The following CDH12 variants were observed in gnomAD, a reference collection of about 807,000 sequenced individuals.
CDH12 encodes cadherin-12.
Under a neutral mutation model 74.1 loss-of-function variants are expected in CDH12, and 41 were observed. The observed-to-expected ratio is 0.55, with a 90% confidence interval of 0.43 to 0.72. The LOEUF is 0.72. CDH12 is among the 30% of genes least tolerant of loss of function. CDH12 has a pLI of 0.00. For synonymous variants in CDH12, 399 were observed against 355.0 expected, an observed-to-expected ratio of 1.12 and a Z score of -1.39; for missense variants, 945 against 977.2, an observed-to-expected ratio of 0.97 and a Z score of 0.44.
chr5:22,169,524 G>A (rs1258422380), intron 4 of CDH12, among the ~76,000 whole-genome samples: 1 of 151,922 alleles, frequency 6.6e-6, no homozygotes, highest in Non-Finnish European at 1.5e-5. Flanking sequence ...ACCTTGACGA[G>A]CCTCACAGTA....
At chr5:21,931,274 G>GA (rs1357697495) in intron 6 of CDH12, among the ~76,000 whole-genome samples, 20 of 150,674 alleles carry the variant, frequency 1.3e-4, no homozygotes, top group South Asian at 2.1e-4. Flanking sequence ...GAAGAGAATA[G>GA]AAAAAAAAAT....
intron 1 of CDH12, chr5:22,580,407 G>T (rs1740023954): frequency 2.0e-6 from 1 of 498,472 alleles, no homozygotes; most frequent in South Asian, 1.5e-5. Flanking sequence ...TGGGTAGGGA[G>T]CATCCTCAGA....
rs1329230244 is a variant in CDH12, at chr5:22,358,332, C to CA, written c.-333+46924_-333+46925insT. Reference sequence around the variant, plus strand: ...GTTGAGGCAGGAGAATAACTTGAACCCGGAGGCGGAGGTTGCAGTGAGTGA... The same window carrying CA: ...GTTGAGGCAGGAGAATAACTTGAACCACGGAGGCGGAGGTTGCAGTGAGTGA... On this transcript the variant is annotated intron_variant, in intron 3 of 14. Coordinates refer to ENST00000382254, the MANE Select transcript of CDH12 (RefSeq NM_004061.5). 1.1e-4 allele frequency among the ~76,000 whole-genome samples: 5 copies of CA among 43,990 alleles called. No homozygotes were observed. In the East Asian group the frequency reaches 2.6e-3, roughly 23 times the overall value. The allele number at this position is 43,990 out of a possible 152,430, so 28.9% of individuals were successfully genotyped here.
intron 1 of CDH12, among the ~76,000 whole-genome samples, chr5:22,516,636 A>C (rs565321713): frequency 1.3e-5 from 2 of 152,192 alleles, no homozygotes; most frequent in African/African-American, 2.4e-5. Flanking sequence ...CTCCACAAAA[A>C]ATACAAAAAT....
At chr5:22,099,384 C>T (rs1744000654) in intron 4 of CDH12, among the ~76,000 whole-genome samples, 1 of 152,182 alleles carries the variant, frequency 6.6e-6, no homozygotes, top group Non-Finnish European at 1.5e-5. Flanking sequence ...CACATCTCAC[C>T]AAGCTCAGCC....
intron 4 of CDH12, among the ~76,000 whole-genome samples, chr5:22,186,121 A>G (rs1749929291): frequency 6.6e-6 from 1 of 152,210 alleles, no homozygotes; most frequent in Non-Finnish European, 1.5e-5. Flanking sequence ...AGTGCCTGAC[A>G]TTATTAAGAA....
chr5:21,959,070 T>C (rs1260961575), intron 6 of CDH12, among the ~76,000 whole-genome samples: 3 of 152,142 alleles, frequency 2.0e-5, no homozygotes, highest in African/African-American at 7.2e-5. Context: ...GTGAATGGGA[T>C]TGCCTTCCTG....
intron 2 of CDH12, 31 bp from the exon 3 acceptor site, chr5:22,405,382 A>G: frequency 1.8e-6 from 1 of 553,984 alleles, no homozygotes. Context: ...ATGCTTTAAG[A>G]ATATGCAAGA....
intron 5 of CDH12, among the ~76,000 whole-genome samples, chr5:22,038,436 A>G (rs1369368894): frequency 6.6e-6 from 1 of 152,082 alleles, no homozygotes; most frequent in Non-Finnish European, 1.5e-5. Flanking sequence ...CCTCCCAGCC[A>G]CTGCTGCATC....
rs566124121 is a variant in CDH12, at chr5:22,677,533, C to T, written c.-522-172169G>A. 9.2e-5 allele frequency among the ~76,000 whole-genome samples: 14 copies of T among 152,168 alleles called. No homozygotes were observed. In the South Asian group the frequency reaches 2.9e-3, roughly 32 times the overall value. On this transcript the variant is annotated intron_variant, in intron 1 of 14. Transcript: ENST00000382254. ...GAGTCCTCATGACCAAATCACCTCTCAAAGCCCTCACCTCCTAATATTATC... is the reference window on the plus strand; with the variant it reads ...GAGTCCTCATGACCAAATCACCTCTTAAAGCCCTCACCTCCTAATATTATC...
chr5:22,299,012 T>C (rs1561293702), intron 3 of CDH12, among the ~76,000 whole-genome samples: 2 of 152,184 alleles, frequency 1.3e-5, no homozygotes, highest in African/African-American at 2.4e-5. Flanking sequence ...GGTAGGGATA[T>C]AGCAGTTAAT....
chr5:22,136,558 T>G lies in CDH12; in HGVS notation c.-186-57696A>C, dbSNP rs1746471864. Among the ~76,000 whole-genome samples, 10 of 151,614 alleles carry G rather than the reference T, an allele frequency of 6.6e-5. No individual in the cohort carries two copies. The Admixed American group carries it at 6.6e-4, about 10-fold the overall frequency. ...ATACCATTATGAAGAAGAACTTGTA[T>G]GCCTAATTGCACCCATGCTTTGGTC... On this transcript the variant is annotated intron_variant, in intron 4 of 14. Coordinates refer to ENST00000382254, the MANE Select transcript of CDH12 (RefSeq NM_004061.5).
At chr5:21,852,309 A>G (rs965136822) in intron 7 of CDH12, among the ~76,000 whole-genome samples, 3 of 151,348 alleles carry the variant, frequency 2.0e-5, no homozygotes, top group Admixed American at 1.3e-4. Flanking sequence ...ATAGCTTACG[A>G]CAGAATTGTT....
At chr5:22,068,134 A>G (rs1741691118) in intron 5 of CDH12, among the ~76,000 whole-genome samples, 1 of 152,206 alleles carries the variant, frequency 6.6e-6, no homozygotes, top group Non-Finnish European at 1.5e-5. Flanking sequence ...CCAGCAAGCC[A>G]TAAAGTTAGG....
At chr5:22,387,867 T>G (rs142440768) in intron 3 of CDH12, among the ~76,000 whole-genome samples, 2,122 of 152,242 alleles carry the variant, frequency 0.014, 27 homozygotes, top group Middle Eastern at 0.027. Context: ...TGTTTTATAA[T>G]AGGCATGAAA....
intron 1 of CDH12, among the ~76,000 whole-genome samples, chr5:22,645,454 A>C (rs1739389402): frequency 6.6e-6 from 1 of 152,044 alleles, no homozygotes. Context: ...ACAGATAAAG[A>C]GTTGCTTTTT....
intron 1 of CDH12, among the ~76,000 whole-genome samples, chr5:22,761,919 G>T (rs1162364128): frequency 1.4e-5 from 2 of 146,358 alleles, no homozygotes; most frequent in Non-Finnish European, 3.0e-5. Context: ...ATTTCAGTTT[G>T]TAATTTCTCA....
intron 3 of CDH12, among the ~76,000 whole-genome samples, chr5:22,382,123 ATATAT>A (rs1055627266): frequency 1.4e-5 from 2 of 145,866 alleles, no homozygotes; most frequent in African/African-American, 2.5e-5. Flanking sequence ...AATATATCAC[ATATAT>A]TATAAACATG....
intron 6 of CDH12, among the ~76,000 whole-genome samples, chr5:21,937,742 A>G (rs1328454025): frequency 8.5e-5 from 13 of 152,166 alleles, no homozygotes; most frequent in Non-Finnish European, 1.8e-4. Flanking sequence ...ACACTAGTGC[A>G]TAGTCCTCTA....
Sources: gnomAD v4.1 joint callset for allele counts (sites outside exome capture counted in the v4.1 genomes callset) on GRCh38, gnomAD v4.1.1 for gene constraint, MANE v1.5 for transcripts, NCBI Gene and HGNC (gene_info 2026-07-23, HGNC 2026-07-21) for gene names.